REV3L: variants seen among roughly 807,000 people sequenced by gnomAD.
REV3L encodes DNA polymerase zeta catalytic subunit.
REV3L carries 69 observed loss-of-function variants against 299.4 expected under a neutral mutation model. The ratio of observed to expected loss-of-function variants is 0.23; its 90% CI spans 0.19 to 0.28. REV3L has a LOEUF of 0.28. REV3L is among the 10% of genes least tolerant of loss of function. The pLI is 1.00. For missense variants in REV3L, 3,128 were observed against 3,693.8 expected (o/e 0.85, Z 3.97); for synonymous variants, 1,238 against 1,271.4 (o/e 0.97, Z 0.56).
chr6:111,370,846 A>G (rs1779730134), intron 13 of REV3L, among the ~76,000 whole-genome samples: 1 of 152,130 alleles, frequency 6.6e-6, no homozygotes, highest in Non-Finnish European at 1.5e-5. Flanking sequence ...ATGTGTTACA[A>G]TCGATGAACC....
chr6:111,359,706 A>G (rs1025956362), intron 16 of REV3L, among the ~76,000 whole-genome samples: 6 of 152,170 alleles, frequency 3.9e-5, no homozygotes, highest in Non-Finnish European at 8.8e-5. Flanking sequence ...AAATCAAGAC[A>G]GAGTAAATAA....
chr6:111,408,018 G>C (rs1202067249), intron 3 of REV3L, among the ~76,000 whole-genome samples: 1 of 152,114 alleles, frequency 6.6e-6, no homozygotes, highest in Non-Finnish European at 1.5e-5. Context: ...GGCTAAATGA[G>C]AAAGGTGTTT....
rs1242096605 is a variant in REV3L, at chr6:111,333,040, C to A, written c.7925+83G>T. 3.3e-6 allele frequency: 5 copies of A among 1,513,310 alleles called. No homozygotes were observed. The East Asian group carries it at 1.1e-4, about 34-fold the overall frequency. 93.7% of individuals were successfully genotyped at this position (1,513,310 alleles called of 1,614,324 possible). A position where few individuals can be genotyped will look rare whatever the true frequency, so the allele number is the denominator to read the frequency against. On this transcript the variant is annotated intron_variant, in intron 23 of 31. Transcript: ENST00000368802. ...TTGCTCATAGGGAAGGTGTCCAGAG[C>A]AAAGAGACACTCAGAAAGTGTCTAA...
At chr6:111,391,820 T>C (rs1781963725) in intron 5 of REV3L, among the ~76,000 whole-genome samples, 1 of 152,092 alleles carries the variant, frequency 6.6e-6, no homozygotes, top group Non-Finnish European at 1.5e-5. Context: ...AGACCTCACC[T>C]CTACAAAAAT....
chr6:111,451,993 A>C (rs1475627979), intron 1 of REV3L, among the ~76,000 whole-genome samples: 1 of 152,192 alleles, frequency 6.6e-6, no homozygotes, highest in Non-Finnish European at 1.5e-5. Context: ...TGAGTCCAGA[A>C]TGAATAAAGA....
intron 3 of REV3L, among the ~76,000 whole-genome samples, chr6:111,408,609 A>AAACAAAACAG: frequency 1.5e-5 from 1 of 67,628 alleles, no homozygotes; most frequent in Admixed American, 1.4e-4. Context: ...CTTAAAAACA[A>AAACAAAACAG]AACAAAACAA....
At chr6:111,470,935 G>A (rs1295675270) in intron 1 of REV3L, among the ~76,000 whole-genome samples, 1 of 149,316 alleles carries the variant, frequency 6.7e-6, no homozygotes, top group Non-Finnish European at 1.5e-5. Context: ...AGCCAAGATT[G>A]TGCCACTACA....
chr6:111,453,323 A>G (rs1005333406), intron 1 of REV3L, among the ~76,000 whole-genome samples: 2 of 152,216 alleles, frequency 1.3e-5, no homozygotes, highest in Admixed American at 6.5e-5. Context: ...TCACACATAT[A>G]TATCAACTGG....
chr6:111,364,065 G>T, intron 15 of REV3L, 87 bp from the exon 16 acceptor site: 1 of 1,498,626 alleles, frequency 6.7e-7, no homozygotes, highest in Non-Finnish European at 8.9e-7. Context: ...CAGATAATAT[G>T]CTTTATGTGT....
intron 1 of REV3L, among the ~76,000 whole-genome samples, chr6:111,433,024 A>G (rs896591920): frequency 1.3e-5 from 2 of 152,188 alleles, no homozygotes; most frequent in Admixed American, 1.3e-4. Context: ...CAACATACCC[A>G]AACCTATGGG....
chr6:111,356,776 T>C (rs1451566536), intron 18 of REV3L: 1 of 230,434 alleles, frequency 4.3e-6, no homozygotes, highest in African/African-American at 2.3e-5. Flanking sequence ...AATATTTGTC[T>C]TTCACTGGCC....
intron 22 of REV3L, among the ~76,000 whole-genome samples, chr6:111,333,911 A>T (rs1302979567): frequency 6.6e-6 from 1 of 152,216 alleles, no homozygotes; most frequent in Non-Finnish European, 1.5e-5. Flanking sequence ...TAAAAGACAG[A>T]TGCAATTAGA....
intron 1 of REV3L, among the ~76,000 whole-genome samples, chr6:111,454,714 T>C (rs1012144231): frequency 6.6e-6 from 1 of 152,226 alleles, no homozygotes; most frequent in African/African-American, 2.4e-5. Flanking sequence ...TTGCCCAGGC[T>C]GGAGTGCAAC....
intron 13 of REV3L, among the ~76,000 whole-genome samples, chr6:111,369,343 TCAG>T (rs1264471212): frequency 6.6e-6 from 1 of 150,892 alleles, no homozygotes; most frequent in Admixed American, 6.6e-5. Context: ...TTACATATTG[TCAG>T]CAGCATGGTA....
At chr6:111,354,444 G>A (rs920589016) in intron 18 of REV3L, among the ~76,000 whole-genome samples, 21 of 152,018 alleles carry the variant, frequency 1.4e-4, no homozygotes, top group Admixed American at 1.2e-3. Context: ...GTTACCCTGC[G>A]CTTCTCAGAT....
At chr6:111,431,817 T>C (rs1294212904) in intron 1 of REV3L, 5 of 599,686 alleles carry the variant, frequency 8.3e-6, no homozygotes, top group East Asian at 2.9e-5. Flanking sequence ...ATTATGTACA[T>C]ACTTTTTCAT....
intron 25 of REV3L, among the ~76,000 whole-genome samples, chr6:111,324,348 G>C (rs1436189259): frequency 6.6e-6 from 1 of 152,108 alleles, no homozygotes; most frequent in African/African-American, 2.4e-5. Context: ...TAGTACATCA[G>C]AAAATCTTGA....
chr6:111,450,090 T>G (rs1156517617), intron 1 of REV3L, among the ~76,000 whole-genome samples: 1 of 152,068 alleles, frequency 6.6e-6, no homozygotes, highest in Non-Finnish European at 1.5e-5. Flanking sequence ...GAACTAAGAA[T>G]ATATCAGAAA....
At chr6:111,478,283 G>A (rs550130279) in intron 1 of REV3L, among the ~76,000 whole-genome samples, 93 of 152,080 alleles carry the variant, frequency 6.1e-4, no homozygotes, top group South Asian at 6.2e-4. Flanking sequence ...TTTGACTTAC[G>A]TTTACATGCC....
Sources: allele counts gnomAD v4.1 joint callset (sites outside exome capture counted in the v4.1 genomes callset), GRCh38; gene constraint gnomAD v4.1.1; transcripts MANE v1.5; gene names NCBI Gene and HGNC (gene_info 2026-07-23, HGNC 2026-07-21).